ABCC11: variants seen among roughly 807,000 people sequenced by gnomAD.
The protein encoded by ABCC11 is ATP binding cassette subfamily C member 11, also known as ATP-binding cassette sub-family C member 11.
Under a neutral mutation model 149.3 loss-of-function variants are expected in ABCC11, and 135 were observed. The observed-to-expected ratio is 0.90, with a 90% CI of 0.79 to 1.04. The LOEUF (loss-of-function observed/expected upper bound fraction) is 1.04. Among genes scored for constraint, ABCC11 ranks in the 50% least tolerant of loss-of-function variants. The pLI is 0.00. For synonymous variants in ABCC11, 665 were observed against 671.4 expected (o/e 0.99, Z 0.15); for missense variants, 1,680 against 1,722.1 (o/e 0.98, Z 0.43).
At chr16:48,215,650 T>G (rs967885843) in intron 7 of ABCC11, among the ~76,000 whole-genome samples, 1 of 152,178 alleles carries the variant, frequency 6.6e-6, no homozygotes, top group African/African-American at 2.4e-5. Context: ...AGGAAAACAC[T>G]CAATTTCAAT....
At chr16:48,221,514 T>C (rs1478392242) in intron 6 of ABCC11, among the ~76,000 whole-genome samples, 1 of 152,158 alleles carries the variant, frequency 6.6e-6, no homozygotes, top group African/African-American at 2.4e-5. Flanking sequence ...GATTCCTTTT[T>C]TGCAGATAAG....
Position 48,193,919 on chromosome 16 carries a change from C to T in ABCC11, c.2468G>A (p.Ser823Asn), listed in dbSNP as rs780381082. The T allele has an allele frequency of 6.2e-7, 1 of 1,614,022 alleles. No homozygotes were observed. Among genetic ancestry groups the T allele is most frequent in the South Asian group, 1.1e-5 (1 of 91,070 alleles). The change falls in exon 19 of 30, where the codon AGC (serine) becomes AAC (asparagine). Residue 823 changes from serine to asparagine, a missense_variant. Physicochemically the swap from Ser to Asn is conservative, Grantham distance 46. Transcript: ENST00000356608. ...CAACCAGTAGCTCAGCCACCAGAAG[C>T]TGAAGATCGTTAAGAAGACGATCAG... Reference protein sequence around the residue: ...VVLIVFLTIFSFWWLSYWLEQ... With the variant: ...VVLIVFLTIFNFWWLSYWLEQ...
Position 48,216,099 on chromosome 16 carries a change from A to G in ABCC11, c.951+15T>C. ...TGGGGCCCAGCATCAAATGGGTGACAGAGAAAGACATTACCGCCAGTGGGA... is the reference window on the plus strand; with the variant it reads ...TGGGGCCCAGCATCAAATGGGTGACGGAGAAAGACATTACCGCCAGTGGGA... On this transcript the variant is annotated intron_variant, in intron 7 of 29. Coordinates refer to ENST00000356608, the MANE Select transcript of ABCC11 (RefSeq NM_001370497.1). The G allele has an allele frequency of 6.2e-7, 1 of 1,612,240 alleles. No individual in the cohort carries two copies. The highest frequency in any genetic ancestry group is 1.1e-5 in the South Asian group (1 of 90,876).
chr16:48,182,112 C>T (rs1966473149), intron 23 of ABCC11, among the ~76,000 whole-genome samples: 2 of 152,214 alleles, frequency 1.3e-5, no homozygotes, highest in South Asian at 4.1e-4. Context: ...AGCCCCTTTG[C>T]ATGCCCAAAA....
intron 10 of ABCC11, among the ~76,000 whole-genome samples, chr16:48,212,062 G>C (rs529489433): frequency 2.7e-4 from 41 of 152,294 alleles, no homozygotes; most frequent in Non-Finnish European, 4.7e-4. Flanking sequence ...GAGAATGAAT[G>C]GGTGAACCCA....
chr16:48,175,616 G>A (rs936347192), intron 25 of ABCC11, among the ~76,000 whole-genome samples, 199 bp from the exon 26 acceptor site: 1 of 152,218 alleles, frequency 6.6e-6, no homozygotes, highest in Non-Finnish European at 1.5e-5. Context: ...TTACAGCCTA[G>A]ATCAGAGGGC....
rs747672245 is a variant in ABCC11 at position 48,200,271 on chromosome 16, C to T, written c.2082+5G>A. 1.2e-6 allele frequency: 2 copies of T among 1,613,616 alleles called. No individual in the cohort carries two copies. The highest frequency in any genetic ancestry group is 1.1e-5 in the South Asian group (1 of 91,024). ...TCACAGTCAGAGCCCTGGAAGGGTG[C>T]TAACCTGCAGCTGGTGGGTCACCAG... On this transcript the variant is annotated splice_donor_5th_base_variant and intron_variant, in intron 15 of 29. Transcript: ENST00000356608.
chr16:48,196,467 C>A, intron 17 of ABCC11, 146 bp from the exon 18 acceptor site: 1 of 734,452 alleles, frequency 1.4e-6, no homozygotes, highest in South Asian at 1.7e-5. Context: ...ATGGAAGACT[C>A]TACTGAAAGA....
chr16:48,197,939 A>G lies in ABCC11; in HGVS notation c.2314+32T>C, dbSNP rs1466096857. ...CTCTGGAGGACCCAGGCAGGCATGCAGACATTCTTGTCCTATCTCCCACAC... is the reference window on the plus strand; with the variant it reads ...CTCTGGAGGACCCAGGCAGGCATGCGGACATTCTTGTCCTATCTCCCACAC... On this transcript the variant is annotated intron_variant, in intron 17 of 29. Coordinates refer to ENST00000356608, the MANE Select transcript of ABCC11 (RefSeq NM_001370497.1). The G allele has an allele frequency of 3.1e-6, 5 of 1,609,580 alleles. No homozygotes were observed. The South Asian group carries it at 3.3e-5, about 11-fold the overall frequency.
chr16:48,190,190 T>A (rs1165331096), intron 20 of ABCC11, among the ~76,000 whole-genome samples: 1 of 152,168 alleles, frequency 6.6e-6, no homozygotes, highest in African/African-American at 2.4e-5. Flanking sequence ...CCTGTTTTCT[T>A]GTCCATCTCC....
At chr16:48,232,072 C>A in intron 1 of ABCC11, 133 bp from the exon 2 acceptor site, 1 of 1,445,012 alleles carries the variant, frequency 6.9e-7, no homozygotes, top group South Asian at 1.4e-5. Flanking sequence ...GGTTTGGGTG[C>A]CTGCTCTTTC....
chr16:48,192,758 G>C lies in ABCC11; in HGVS notation c.2509-41C>G, dbSNP rs1967041514. 14 of 1,598,282 alleles carry C rather than the reference G, an allele frequency of 8.8e-6. No homozygotes were observed. The East Asian group carries it at 3.1e-4, about 36-fold the overall frequency. On this transcript the variant is annotated intron_variant, in intron 19 of 29. Transcript: ENST00000356608. Reference sequence around the variant, plus strand: ...GGGGGTCTGACTGCAGGTGTCCGGGGGAAATTCAGTGGCAGGGAAAGCCTT... The same window carrying C: ...GGGGGTCTGACTGCAGGTGTCCGGGCGAAATTCAGTGGCAGGGAAAGCCTT...
Position 48,236,984 on chromosome 16 carries a change from C to CTATTTATA in ABCC11, c.-18-5046_-18-5045insTATAAATA, listed in dbSNP as rs1970721236. On this transcript the variant is annotated intron_variant, in intron 1 of 29. Coordinates refer to ENST00000356608, the MANE Select transcript of ABCC11 (RefSeq NM_001370497.1). The stretch of plus-strand genomic sequence containing the variant: ...TGTGAAAGTTATTTATATCCTACTG[C>CTATTTATA]TCAAGGTCATCACCGAGGTCTGATT... Among the ~76,000 whole-genome samples, 2 of 152,204 alleles carry CTATTTATA rather than the reference C, an allele frequency of 1.3e-5. 1 individual carries two copies. Among genetic ancestry groups the CTATTTATA allele is most frequent in the South Asian group, 4.1e-4 (2 of 4,838 alleles).
intron 14 of ABCC11, 34 bp downstream of exon 14, chr16:48,203,194 T>C: frequency 1.3e-6 from 2 of 1,533,694 alleles, no homozygotes; most frequent in South Asian, 2.4e-5. Flanking sequence ...AGCACCAACA[T>C]TACACAGAGA....
At chr16:48,214,543 G>C in intron 9 of ABCC11, among the ~76,000 whole-genome samples, 1 of 152,140 alleles carries the variant, frequency 6.6e-6, no homozygotes, top group Non-Finnish European at 1.5e-5. Context: ...CTATACCTTT[G>C]TATTTAAAGT....
chr16:48,170,105 C>T lies in ABCC11; in HGVS notation c.3891G>A (p.Lys1297=). ...CIARAVLRNS[K]IILIDEATAS... ...GGCCACACGGCAGTGGTGGCCTCACCTTGGAGTTGCGAAGCACAGCCCTGG... is the reference window on the plus strand; with the variant it reads ...GGCCACACGGCAGTGGTGGCCTCACTTTGGAGTTGCGAAGCACAGCCCTGG... Residue 1297 remains lysine (K), a splice_region_variant and synonymous_variant, in exon 28 of 30, where the codon AAG becomes AAA. Coordinates refer to ENST00000356608, the MANE Select transcript of ABCC11 (RefSeq NM_001370497.1). 1.2e-6 allele frequency: 2 copies of T among 1,613,378 alleles called. No homozygotes were observed. The highest frequency in any genetic ancestry group is 1.7e-6 in the Non-Finnish European group (2 of 1,179,452).
chr16:48,184,942 T>A (rs1966667038), intron 22 of ABCC11, among the ~76,000 whole-genome samples: 1 of 152,146 alleles, frequency 6.6e-6, no homozygotes, highest in South Asian at 2.1e-4. Context: ...AGTGAATAAA[T>A]GCCAGGACGT....
At chr16:48,183,952 T>A (rs1048545949) in intron 23 of ABCC11, among the ~76,000 whole-genome samples, 5 of 152,190 alleles carry the variant, frequency 3.3e-5, no homozygotes, top group Non-Finnish European at 1.5e-5. Context: ...AGCCCTGTTC[T>A]AGGGGCTGGG....
At chr16:48,230,351 A>G in intron 3 of ABCC11, 86 bp downstream of exon 3, 2 of 1,444,608 alleles carry the variant, frequency 1.4e-6, no homozygotes, top group South Asian at 3.1e-5. Context: ...TAGTTATGCA[A>G]CCTTCGTGAG....
Sources: gnomAD v4.1 joint callset for allele counts (sites outside exome capture counted in the v4.1 genomes callset) on GRCh38, gnomAD v4.1.1 for gene constraint, MANE v1.5 for transcripts, NCBI Gene and HGNC (gene_info 2026-07-23, HGNC 2026-07-21) for gene names.